Variants in LIPA observed in about 807,000 individuals in gnomAD.
The protein encoded by LIPA is lipase A, lysosomal acid type.
Under a neutral mutation model 40.6 loss-of-function variants are expected in LIPA, and 26 were observed. The observed-to-expected ratio is 0.64, with a 90% CI of 0.47 to 0.89. LIPA has a LOEUF of 0.89. LIPA is among the 40% of genes least tolerant of loss of function. The probability of loss-of-function intolerance (pLI) is 0.00; values close to 1 mark genes in which losing one functional copy is unlikely to be tolerated. For missense variants in LIPA, 455 were observed against 479.6 expected (o/e 0.95, Z 0.48); for synonymous variants, 188 against 168.4 (o/e 1.12, Z -0.90).
At chr10:89,375,244 A>G (rs1844113476) in intron 2 of LIPA, among the ~76,000 whole-genome samples, 1 of 152,230 alleles carries the variant, frequency 6.6e-6, no homozygotes, top group Non-Finnish European at 1.5e-5. Flanking sequence ...TGAACCAACT[A>G]TCCCAAGATC....
intron 2 of LIPA, among the ~76,000 whole-genome samples, chr10:89,410,771 C>CG (rs1389432777): frequency 2.6e-5 from 4 of 152,176 alleles, no homozygotes; most frequent in African/African-American, 9.7e-5. Context: ...AGTTATTGCA[C>CG]GCGGTGCAAA....
At chr10:89,356,268 C>T (rs1843988026) in intron 2 of LIPA, among the ~76,000 whole-genome samples, 1 of 152,032 alleles carries the variant, frequency 6.6e-6, no homozygotes, top group Non-Finnish European at 1.5e-5. Flanking sequence ...GCTTGGGATG[C>T]TACTCTTCCA....
intron 1 of LIPA, chr10:89,306,852 T>A: frequency 6.2e-7 from 1 of 1,614,072 alleles, no homozygotes; most frequent in Non-Finnish European, 8.5e-7. Flanking sequence ...TTCCAAGTAA[T>A]GAATCTAAGA....
intron 8 of LIPA, among the ~76,000 whole-genome samples, chr10:89,217,069 A>G (rs1842637610): frequency 6.6e-6 from 1 of 152,228 alleles, no homozygotes; most frequent in Non-Finnish European, 1.5e-5. Context: ...GTGCAAATCC[A>G]TATTTCCTCT....
At position 89,214,711 on chromosome 10, in the gene LIPA, G is replaced by A; in HGVS notation, c.*117C>T. On this transcript the variant is annotated 3_prime_UTR_variant, in exon 10 of 10. Transcript: ENST00000336233. The stretch of plus-strand genomic sequence containing the variant: ...GCATCTTCAAAGTTATCATTTTCTT[G>A]GATATAAAAAAACAAAAGACCTGGG... 1 of 682,984 alleles carries A rather than the reference G, an allele frequency of 1.5e-6. No homozygotes were observed. Among genetic ancestry groups the A allele is most frequent in the Non-Finnish European group, 2.6e-6 (1 of 389,720 alleles). The allele number at this position is 682,984 out of a possible 1,614,324, so 42.3% of individuals were successfully genotyped here.
chr10:89,344,873 T>C (rs1843905162), upstream of LIPA, among the ~76,000 whole-genome samples: 1 of 152,116 alleles, frequency 6.6e-6, no homozygotes, highest in African/African-American at 2.4e-5. Flanking sequence ...GCAACAAAAC[T>C]GCAGATATTG....
chr10:89,334,459 T>C (rs1303552834), intron 1 of LIPA, among the ~76,000 whole-genome samples: 1 of 149,744 alleles, frequency 6.7e-6, no homozygotes, highest in South Asian at 2.1e-4. Flanking sequence ...ATTCTGTTTT[T>C]TCTTCTTTTT....
At position 89,402,598 on chromosome 10, in the gene LIPA, T is replaced by C. The variant is rs148626294; in HGVS notation, c.61+10193A>G. The C allele has an allele frequency of 1.4e-4, 233 of 1,614,196 alleles. No individual in the cohort carries two copies. In the African/African-American group the frequency reaches 2.8e-3, roughly 19 times the overall value. Reference sequence around the variant, plus strand: ...AACTTTGCCTGGATGTATTACCACATGGGCAGACTGGCAGAAGCCCAGACT... The same window carrying C: ...AACTTTGCCTGGATGTATTACCACACGGGCAGACTGGCAGAAGCCCAGACT... On this transcript the variant is annotated intron_variant, in intron 2 of 8. Coordinates refer to the LIPA transcript ENST00000371837.
intron 2 of LIPA, among the ~76,000 whole-genome samples, chr10:89,372,507 C>T (rs552113783): frequency 5.3e-5 from 8 of 152,306 alleles, no homozygotes; most frequent in South Asian, 2.1e-4. Flanking sequence ...GCAAATTAAG[C>T]GCTTATCAAT....
intron 2 of LIPA, among the ~76,000 whole-genome samples, chr10:89,361,412 AG>A (rs929011081): frequency 1.1e-4 from 17 of 152,356 alleles, no homozygotes; most frequent in African/African-American, 3.8e-4. Context: ...CCTTGGGGAA[AG>A]AAGCAGTTGT....
intron 1 of LIPA, among the ~76,000 whole-genome samples, chr10:89,282,615 G>A (rs1207564854): frequency 1.3e-5 from 2 of 152,012 alleles, no homozygotes; most frequent in Middle Eastern, 3.2e-3. Context: ...ACTCCAGCCT[G>A]GGTAACAAGA....
At chr10:89,395,744 A>G (rs1844333778) in intron 2 of LIPA, among the ~76,000 whole-genome samples, 1 of 152,204 alleles carries the variant, frequency 6.6e-6, no homozygotes, top group African/African-American at 2.4e-5. Context: ...TCCATGACCA[A>G]ATACCCTGAA....
intron 1 of LIPA, among the ~76,000 whole-genome samples, chr10:89,323,695 AAAG>A (rs1843583134): frequency 6.6e-6 from 1 of 152,218 alleles, no homozygotes; most frequent in Non-Finnish European, 1.5e-5. Flanking sequence ...ATAGCCACAA[AAAG>A]AATAAAATAC....
At chr10:89,384,012 A>G (rs763583940) in intron 2 of LIPA, 1 of 1,614,236 alleles carries the variant, frequency 6.2e-7, no homozygotes, top group Non-Finnish European at 8.5e-7. Flanking sequence ...AAGGACAGGA[A>G]GCTGAAGGAG....
intron 2 of LIPA, chr10:89,392,758 T>G: frequency 6.2e-7 from 1 of 1,604,246 alleles, no homozygotes; most frequent in Non-Finnish European, 8.5e-7. Flanking sequence ...GTCTAAAGTT[T>G]TTGAAAAAAT....
upstream of LIPA, among the ~76,000 whole-genome samples, chr10:89,256,052 A>G (rs897042971): frequency 7.2e-5 from 11 of 152,206 alleles, no homozygotes; most frequent in African/African-American, 2.7e-4. Flanking sequence ...AGGAGCTAGA[A>G]ATAGCTGGAC....
chr10:89,382,507 G>A (rs1340669265), intron 2 of LIPA, among the ~76,000 whole-genome samples: 1 of 152,220 alleles, frequency 6.6e-6, no homozygotes, highest in Non-Finnish European at 1.5e-5. Flanking sequence ...TCTTCCTCAT[G>A]AGTGGCTGAG....
intron 1 of LIPA, among the ~76,000 whole-genome samples, chr10:89,336,469 G>T (rs1390002002): frequency 6.6e-6 from 1 of 152,126 alleles, no homozygotes; most frequent in Non-Finnish European, 1.5e-5. Context: ...GCCAAAAATG[G>T]TTTAGATCAG....
At chr10:89,405,288 T>A (rs1301544319) in intron 2 of LIPA, 1 of 152,236 alleles carries the variant, frequency 6.6e-6, no homozygotes, top group African/African-American at 2.4e-5. Context: ...AAATATTACA[T>A]GAAAATGTTG....
Sources: gnomAD v4.1 joint callset for allele counts (sites outside exome capture counted in the v4.1 genomes callset) on GRCh38, gnomAD v4.1.1 for gene constraint, MANE v1.5 for transcripts, NCBI Gene and HGNC (gene_info 2026-07-23, HGNC 2026-07-21) for gene names.